NUMA1: variants seen among roughly 807,000 people sequenced by gnomAD.
The protein encoded by NUMA1 is nuclear mitotic apparatus protein 1.
Under a neutral mutation model 237.1 loss-of-function variants are expected in NUMA1, and 62 were observed. The ratio of observed to expected loss-of-function variants is 0.26; its 90% confidence interval spans 0.21 to 0.32. NUMA1 has a LOEUF of 0.32. NUMA1 is among the 10% of genes least tolerant of loss of function. NUMA1 has a pLI of 1.00. For synonymous variants in NUMA1, 1,028 were observed against 1,066.1 expected, an observed-to-expected ratio of 0.96 and a Z score of 0.70; for missense variants, 2,533 against 2,666.5, an observed-to-expected ratio of 0.95 and a Z score of 1.10.
intron 3 of NUMA1, among the ~76,000 whole-genome samples, chr11:72,030,269 G>A (rs1013228819): frequency 2.0e-5 from 3 of 151,348 alleles, no homozygotes; most frequent in East Asian, 1.9e-4. Flanking sequence ...CAGGGAGGTC[G>A]AGGCTGCAGT....
Position 72,007,240 on chromosome 11 carries a change from G to C in NUMA1, c.5412C>G (p.Thr1804=), listed in dbSNP as rs374713743. The change falls in exon 21 of 27, where the codon ACC becomes ACG. Residue 1804 remains threonine (T), a synonymous_variant. Transcript: ENST00000393695. ...GDVFLDSGRK[T]RSARRRTTQI... ...GCGTGGTGCGCCGACGAGCGGAGCG[G>C]GTCTTACGACCCGAGTCCAGGAAGA... The C allele has an allele frequency of 1.9e-6, 3 of 1,613,242 alleles. No individual in the cohort carries two copies. The Admixed American group carries it at 5.0e-5, about 27-fold the overall frequency.
At position 72,015,983 on chromosome 11, in the gene NUMA1, A is replaced by G; in HGVS notation, c.1520T>C (p.Leu507Pro). The part of the protein sequence containing the change: ...TAQVASLTSE[L>P]TTLNATIQQQ... ...CTGGATGGTGGCATTGAGTGTGGTG[A>G]GCTCAGAGGTCAGAGAGGCCACCTG... Residue 507 changes from leucine to proline, a missense_variant, in exon 15 of 27, where the codon CTC (leucine) becomes CCC (proline). Coordinates refer to ENST00000393695, the MANE Select transcript of NUMA1 (RefSeq NM_006185.4). The surrounding 1 kb of genome is among the most constrained non-coding windows in gnomAD (Gnocchi z 4.0). The G allele has an allele frequency of 6.2e-7, 1 of 1,613,990 alleles. No homozygotes were observed. The highest frequency in any genetic ancestry group is 8.5e-7 in the Non-Finnish European group (1 of 1,179,978).
chr11:72,080,013 T>C (rs888429804), intron 1 of NUMA1, among the ~76,000 whole-genome samples: 2 of 152,118 alleles, frequency 1.3e-5, no homozygotes, highest in Non-Finnish European at 2.9e-5. Context: ...TCCCCATCTT[T>C]AAAGTATAAC....
At chr11:72,005,865 G>C in intron 22 of NUMA1, 170 bp downstream of exon 22, 1 of 623,234 alleles carries the variant, frequency 1.6e-6, no homozygotes, top group South Asian at 2.0e-5. Flanking sequence ...CCAGCCCCTA[G>C]ATGGGCAGGT....
In NUMA1 at chr11:72,015,486, C is replaced by T. The variant is rs1447615777; in HGVS notation, c.2017G>A (p.Val673Ile). ...RQEQHEAQAQ[V>I]AELELQLRSE... ...CGCAGCTGCAACTCTAGCTCTGCAA[C>T]CTGGGCCTGGGCCTCATGCTGTTCC... Residue 673 changes from valine (V) to isoleucine (I), a missense_variant, in exon 15 of 27, where the codon GTT becomes ATT. Physicochemically the swap from Val to Ile is conservative, Grantham distance 29. Around this residue, in one of 3 missense-constraint regions of NUMA1, gnomAD observed 1,414 missense variants for 1,508.1 expected, o/e 0.94. Transcript: ENST00000393695. The surrounding 1 kb of genome is among the most constrained non-coding windows in gnomAD (Gnocchi z 4.0). 1 of 1,612,950 alleles carries T rather than the reference C, an allele frequency of 6.2e-7. No individual in the cohort carries two copies. Among genetic ancestry groups the T allele is most frequent in the Non-Finnish European group, 8.5e-7 (1 of 1,180,044 alleles).
chr11:72,008,893 C>T (rs1238863221), intron 19 of NUMA1, 48 bp from the exon 20 acceptor site: 2 of 1,612,980 alleles, frequency 1.2e-6, no homozygotes, highest in Non-Finnish European at 1.7e-6. Context: ...CCTAAGGCAG[C>T]AGTGGCCTAG....
Position 72,005,491 on chromosome 11 carries a change from C to A in NUMA1, c.5693-122G>T. 1.5e-5 allele frequency: 13 copies of A among 885,370 alleles called. No individual in the cohort carries two copies. The South Asian group carries it at 2.0e-4, about 13-fold the overall frequency. 54.8% of individuals were successfully genotyped at this position (885,370 alleles called of 1,614,324 possible). ...TAAACTTGAAGCCCAGCACACCAGT[C>A]TGATTCAGTGCCGCAGGTGCAGGAG... is the stretch of plus-strand genomic sequence containing the variant. On this transcript the variant is annotated intron_variant, in intron 22 of 26. Coordinates refer to ENST00000393695, the MANE Select transcript of NUMA1 (RefSeq NM_006185.4).
intron 2 of NUMA1, among the ~76,000 whole-genome samples, chr11:72,047,117 G>A (rs1162070452): frequency 1.8e-4 from 28 of 152,064 alleles, no homozygotes; most frequent in Non-Finnish European, 5.9e-5. Context: ...GAGTAGCTGG[G>A]ACTACATGCA....
At chr11:72,080,264 G>T (rs1944033786) in intron 1 of NUMA1, 194 bp downstream of exon 1, 1 of 10,260 alleles carries the variant, frequency 9.7e-5, no homozygotes, top group Non-Finnish European at 2.1e-4. Context: ...CCCCTTTAAG[G>T]CACCCCCCCC....
At chr11:72,057,525 CT>C (rs907305641) in intron 2 of NUMA1, among the ~76,000 whole-genome samples, 4 of 152,056 alleles carry the variant, frequency 2.6e-5, no homozygotes, top group African/African-American at 9.7e-5. Context: ...AGGTGGATCA[CT>C]TGAGGTCAGG....
In NUMA1 at chr11:72,006,332, C is replaced by T. The variant is rs1203780326; in HGVS notation, c.5464-69G>A. On this transcript the variant is annotated intron_variant, in intron 21 of 26. Coordinates refer to ENST00000393695, the MANE Select transcript of NUMA1 (RefSeq NM_006185.4). ...CTGTACAGAAGCTTCCCATTCCCTT[C>T]CGAAGCCCTCAGATCCCACGGCACA... 11 of 1,368,562 alleles carry T rather than the reference C, an allele frequency of 8.0e-6. No individual in the cohort carries two copies. In the East Asian group the frequency reaches 2.6e-4, roughly 33 times the overall value. 84.8% of individuals were successfully genotyped at this position (1,368,562 alleles called of 1,614,324 possible).
chr11:72,074,652 T>C (rs2136324594), intron 1 of NUMA1, among the ~76,000 whole-genome samples: 2 of 152,232 alleles, frequency 1.3e-5, no homozygotes, highest in South Asian at 4.1e-4. Context: ...GGTGGGAGGA[T>C]AGCTTGAGTC....
In NUMA1 at chr11:72,013,060, T is replaced by C. The variant is rs1476018178; in HGVS notation, c.4443A>G (p.Ala1481=). The C allele has an allele frequency of 5.6e-6, 9 of 1,614,246 alleles. No individual in the cohort carries two copies. The highest frequency in any genetic ancestry group is 2.2e-5 in the East Asian group (1 of 44,886). The change falls in exon 15 of 27, where the codon GCA becomes GCG. Residue 1481 remains alanine, a synonymous_variant. Transcript: ENST00000393695. The surrounding 1 kb of genome is among the most constrained non-coding windows in gnomAD (Gnocchi z 6.8). ...GGGTCTCAGCATCAGCACGTACGGCTGCCAACTCTTGGACATACTTCTCCC... is the reference window on the plus strand; with the variant it reads ...GGGTCTCAGCATCAGCACGTACGGCCGCCAACTCTTGGACATACTTCTCCC... ...QAREKYVQEL[A]AVRADAETRL...
chr11:72,060,300 T>C (rs1942874622), intron 2 of NUMA1, among the ~76,000 whole-genome samples: 1 of 152,190 alleles, frequency 6.6e-6, no homozygotes, highest in Non-Finnish European at 1.5e-5. Flanking sequence ...TACAACCACA[T>C]GGTCTGCAAA....
Position 72,013,909 on chromosome 11 carries a change from C to T in NUMA1, c.3594G>A (p.Lys1198=), listed in dbSNP as rs950147111. 6.2e-7 allele frequency: 1 copy of T among 1,614,050 alleles called. No homozygotes were observed. Among genetic ancestry groups the T allele is most frequent in the Admixed American group, 1.7e-5 (1 of 60,034 alleles). Residue 1198 remains lysine, a synonymous_variant, in exon 15 of 27, where the codon AAG becomes AAA. Coordinates refer to ENST00000393695, the MANE Select transcript of NUMA1 (RefSeq NM_006185.4). This position sits in a 1 kb window ranked among gnomAD's most constrained non-coding sequence, Gnocchi z 6.8. ...CTTCAGCCTTGCTGTGGTCTTGTAC[C>T]TTGGTGCGGAAGGCAGCCAACTCCC... is the stretch of plus-strand genomic sequence containing the variant. ...AQRELAAFRT[K]VQDHSKAEDE...
intron 2 of NUMA1, among the ~76,000 whole-genome samples, chr11:72,044,117 A>G (rs1941857971): frequency 6.6e-6 from 1 of 152,200 alleles, no homozygotes. Flanking sequence ...AGAGGAGGAT[A>G]TTGAGCCACA....
intron 2 of NUMA1, among the ~76,000 whole-genome samples, chr11:72,065,029 T>C (rs889747957): frequency 1.8e-4 from 28 of 152,210 alleles, no homozygotes; most frequent in South Asian, 4.1e-4. Context: ...TTCTGAGTTG[T>C]GGAATTATGG....
Position 72,013,478 on chromosome 11 carries a change from G to A in NUMA1, c.4025C>T (p.Ala1342Val), listed in dbSNP as rs1956285510. 3.1e-6 allele frequency: 5 copies of A among 1,613,340 alleles called. No homozygotes were observed. Among genetic ancestry groups the A allele is most frequent in the Non-Finnish European group, 3.4e-6 (4 of 1,180,048 alleles). Residue 1342 changes from alanine (A) to valine (V), a missense_variant, in exon 15 of 27, where the codon GCC becomes GTC. Around this residue, in one of 3 missense-constraint regions of NUMA1, gnomAD observed 324 missense variants for 407.6 expected, o/e 0.79. Coordinates refer to ENST00000393695, the MANE Select transcript of NUMA1 (RefSeq NM_006185.4). The surrounding 1 kb of genome is among the most constrained non-coding windows in gnomAD (Gnocchi z 6.8). ...WQEKFFQKEQ[A>V]LSTLQLEHTS... ...GTGCTCGAGCTGCAGGGTGGAGAGGGCCTGCTCTTTCTGGAAGAACTTCTC... is the reference window on the plus strand; with the variant it reads ...GTGCTCGAGCTGCAGGGTGGAGAGGACCTGCTCTTTCTGGAAGAACTTCTC...
At chr11:72,032,169 G>C (rs1160830299) in intron 3 of NUMA1, among the ~76,000 whole-genome samples, 2 of 151,916 alleles carry the variant, frequency 1.3e-5, no homozygotes, top group East Asian at 1.9e-4. Flanking sequence ...TCAAAAAGCG[G>C]AATCTTTTAG....
Sources: allele counts gnomAD v4.1 joint callset (sites outside exome capture counted in the v4.1 genomes callset), GRCh38; gene constraint gnomAD v4.1.1; regional missense constraint gnomAD v4.1.1; non-coding constraint Gnocchi (gnomAD v3.1); transcripts MANE v1.5; gene names NCBI Gene and HGNC (gene_info 2026-07-23, HGNC 2026-07-21).